NSD1: variants seen among roughly 807,000 people sequenced by gnomAD.
NSD1 encodes histone-lysine N-methyltransferase, H3 lysine-36 specific.
In NSD1, 26 loss-of-function variants were observed where a neutral mutation model predicts 242.7. That is an observed-to-expected ratio of 0.11 (90% confidence interval 0.08 to 0.15). The LOEUF (loss-of-function observed/expected upper bound fraction) is 0.15, where lower values mean the gene tolerates loss of function less well. Ranked by LOEUF, NSD1 falls within the 10% of genes least tolerant of loss-of-function variation. The pLI is 1.00. For synonymous variants in NSD1, 1,106 were observed against 1,178.1 expected (o/e 0.94, Z 1.25); for missense variants, 2,495 against 3,272.8 (o/e 0.76, Z 5.80).
chr5:177,224,577 T>C (rs1366543977), intron 5 of NSD1, among the ~76,000 whole-genome samples: 2 of 151,800 alleles, frequency 1.3e-5, no homozygotes, highest in East Asian at 3.8e-4. Context: ...TTAATAGAAT[T>C]GATTACTGTT....
rs78683016 is a variant in NSD1, at chr5:177,197,615, C to G, written c.1063+5596C>G. Among the ~76,000 whole-genome samples the G allele has an allele frequency of 2.0e-3, 297 of 152,236 alleles. 4 individuals are homozygous for G. In the East Asian group the frequency reaches 0.027, roughly 14 times the overall value. ...CCAGCCTGGGCGAGAGTGCGAGACT[C>G]CATCTCAAAAAATAAATAAAACAGA... On this transcript the variant is annotated intron_variant, in intron 3 of 22. Transcript: ENST00000439151.
intron 16 of NSD1, among the ~76,000 whole-genome samples, chr5:177,270,334 T>C (rs750540070): frequency 6.6e-6 from 1 of 152,348 alleles, no homozygotes; most frequent in South Asian, 2.1e-4. Context: ...CAGAACTAGT[T>C]TTACTGCTTA....
chr5:177,157,772 C>T (rs1049251479), intron 2 of NSD1, among the ~76,000 whole-genome samples: 6 of 152,226 alleles, frequency 3.9e-5, no homozygotes, highest in African/African-American at 1.4e-4. Context: ...CATTAAGTCT[C>T]CTCTAGCCCC....
At chr5:177,181,209 G>A (rs1050548493) in intron 2 of NSD1, among the ~76,000 whole-genome samples, 3 of 151,620 alleles carry the variant, frequency 2.0e-5, no homozygotes, top group Non-Finnish European at 2.9e-5. Flanking sequence ...ACTTGAATTC[G>A]GGAAGGAAGT....
intron 2 of NSD1, among the ~76,000 whole-genome samples, chr5:177,167,318 C>A (rs1759286088): frequency 6.6e-6 from 1 of 151,978 alleles, no homozygotes; most frequent in Non-Finnish European, 1.5e-5. Context: ...GGGTGGATCA[C>A]CTGAGGTCAG....
At chr5:177,196,792 A>G (rs1762132657) in intron 3 of NSD1, among the ~76,000 whole-genome samples, 1 of 152,204 alleles carries the variant, frequency 6.6e-6, no homozygotes. Flanking sequence ...AAGAATGATG[A>G]AAAAGAATCA....
chr5:177,151,640 C>T (rs970085685), intron 2 of NSD1, among the ~76,000 whole-genome samples: 3 of 151,680 alleles, frequency 2.0e-5, no homozygotes, highest in Non-Finnish European at 4.4e-5. Flanking sequence ...CTGCCCGCCT[C>T]GGCTTCCCAA....
At chr5:177,214,304 C>T (rs1028151609) in intron 5 of NSD1, among the ~76,000 whole-genome samples, 10 of 152,208 alleles carry the variant, frequency 6.6e-5, no homozygotes, top group East Asian at 1.9e-4. Context: ...GCTGAGATTG[C>T]GCCACTGCAC....
chr5:177,231,112 G>T (rs1187159547), intron 5 of NSD1, among the ~76,000 whole-genome samples: 2 of 152,164 alleles, frequency 1.3e-5, no homozygotes, highest in African/African-American at 4.8e-5. Flanking sequence ...TTGAGACAGG[G>T]TTTTGTTCTG....
intron 19 of NSD1, 57 bp downstream of exon 19, chr5:177,282,638 C>T (rs1562295248): frequency 7.9e-7 from 1 of 1,267,814 alleles, no homozygotes; most frequent in East Asian, 2.3e-5. Flanking sequence ...TGTGTTGTCC[C>T]AGCCATAGTA....
Position 177,210,241 on chromosome 5 carries a change from G to T in NSD1, c.1842G>T (p.Val614=). 6.3e-7 allele frequency: 1 copy of T among 1,598,306 alleles called. No individual in the cohort carries two copies. The highest frequency in any genetic ancestry group is 8.5e-7 in the Non-Finnish European group (1 of 1,172,474). Residue 614 remains valine (V), a synonymous_variant, in exon 5 of 23, where the codon GTG becomes GTT. Transcript: ENST00000439151. ...AGAATAAACCCCAACGAAGCCTGGTGTGTGGTTCAAAAGTGAAGCTCTGCT... is the reference window on the plus strand; with the variant it reads ...AGAATAAACCCCAACGAAGCCTGGTTTGTGGTTCAAAAGTGAAGCTCTGCT... The part of the protein sequence containing the change: ...REKNKPQRSL[V]CGSKVKLCYI...
chr5:177,151,858 T>A (rs1757736462), intron 2 of NSD1, among the ~76,000 whole-genome samples: 1 of 151,584 alleles, frequency 6.6e-6, no homozygotes, highest in African/African-American at 2.4e-5. Flanking sequence ...CATACCTAGC[T>A]AATTTTTTTT....
At chr5:177,285,764 A>G (rs2127266145) in intron 20 of NSD1, among the ~76,000 whole-genome samples, 1 of 152,270 alleles carries the variant, frequency 6.6e-6, no homozygotes, top group Admixed American at 6.5e-5. Context: ...TTGAAGCAGA[A>G]TCCCATTTGA....
intron 2 of NSD1, among the ~76,000 whole-genome samples, chr5:177,181,427 G>GTTTTTTTTTTTT (rs34848476): frequency 6.6e-4 from 78 of 117,320 alleles, no homozygotes; most frequent in Middle Eastern, 4.9e-3. Flanking sequence ...TTTTTTTTTG[G>GTTTTTTTTTTTT]TTTTTTTTTT....
At chr5:177,266,500 G>T in intron 14 of NSD1, 2 of 624,726 alleles carry the variant, frequency 3.2e-6, no homozygotes, top group Admixed American at 2.3e-5. Context: ...ATCTTTGGAC[G>T]TCATGCCCTC....
In NSD1 at chr5:177,296,935, G is replaced by A. The variant is rs901948868; in HGVS notation, c.*1476G>A. 3 of 233,094 alleles carry A rather than the reference G, an allele frequency of 1.3e-5. No individual in the cohort carries two copies. Among genetic ancestry groups the A allele is most frequent in the South Asian group, 1.8e-4 (1 of 5,534 alleles). The allele number at this position is 233,094 out of a possible 1,614,324, so 14.4% of individuals were successfully genotyped here. A position where few individuals can be genotyped will look rare whatever the true frequency, so the allele number is the denominator to read the frequency against. On this transcript the variant is annotated 3_prime_UTR_variant, in exon 23 of 23. Coordinates refer to ENST00000439151, the MANE Select transcript of NSD1 (RefSeq NM_022455.5). The stretch of plus-strand genomic sequence containing the variant: ...CCAGCAGGCCATCCCCGGCCCTAAC[G>A]TCTCCTGGCCATTATCTCTTAGTTA...
chr5:177,152,730 C>T (rs1470119443), intron 2 of NSD1, among the ~76,000 whole-genome samples: 2 of 150,760 alleles, frequency 1.3e-5, no homozygotes, highest in African/African-American at 4.9e-5. Context: ...TCCCAAAGTG[C>T]TGGGATTACA....
intron 14 of NSD1, among the ~76,000 whole-genome samples, chr5:177,267,262 C>G (rs1757570456): frequency 6.6e-6 from 1 of 152,154 alleles, no homozygotes; most frequent in South Asian, 2.1e-4. Context: ...AATCTTCAAA[C>G]AGATGTGGTT....
chr5:177,177,896 T>C (rs1451941643), intron 2 of NSD1, among the ~76,000 whole-genome samples: 1 of 152,134 alleles, frequency 6.6e-6, no homozygotes, highest in Non-Finnish European at 1.5e-5. Context: ...TTGCATTAAA[T>C]TATTATTATT....
Sources: allele counts gnomAD v4.1 joint callset (sites outside exome capture counted in the v4.1 genomes callset), GRCh38; gene constraint gnomAD v4.1.1; transcripts MANE v1.5; gene names NCBI Gene and HGNC (gene_info 2026-07-23, HGNC 2026-07-21).